The following PCDHGA7 variants were observed in gnomAD, a reference collection of about 807,000 sequenced individuals.
The protein encoded by PCDHGA7 is protocadherin gamma subfamily A, 7, also known as protocadherin gamma-A7.
PCDHGA7 carries 44 observed loss-of-function variants against 58.3 expected under a neutral mutation model. That is an observed-to-expected ratio of 0.75 (90% confidence interval 0.59 to 0.97). The LOEUF (loss-of-function observed/expected upper bound fraction) is 0.97. PCDHGA7 is among the 50% of genes least tolerant of loss of function. The pLI, the probability that PCDHGA7 is intolerant of heterozygous loss-of-function variation, is 0.00. For missense variants in PCDHGA7, 1,266 were observed against 1,188.7 expected, an observed-to-expected ratio of 1.06 and a Z score of -0.96; for synonymous variants, 516 against 504.2, an observed-to-expected ratio of 1.02 and a Z score of -0.31.
At position 141,493,396 on chromosome 5, in the gene PCDHGA7, G is replaced by A. The variant is rs562217310; in HGVS notation, c.2425-1411G>A. 1.3e-5 allele frequency among the ~76,000 whole-genome samples: 2 copies of A among 152,274 alleles called. No homozygotes were observed. Among genetic ancestry groups the A allele is most frequent in the East Asian group, 3.9e-4 (2 of 5,178 alleles). The stretch of plus-strand genomic sequence containing the variant: ...TTTAAAAGCTTGAGGACAGGAGAGG[G>A]GAGTTGCCTCTGCTGGGATTTTGCT... On this transcript the variant is annotated intron_variant, in intron 1 of 3. Transcript: ENST00000518325. This position sits in a 1 kb window ranked among gnomAD's most constrained non-coding sequence, Gnocchi z 4.3.
chr5:141,393,434 T>C (rs1554093883), intron 1 of PCDHGA7: 5 of 1,613,902 alleles, frequency 3.1e-6, no homozygotes, highest in South Asian at 1.1e-5. Flanking sequence ...AAGAGGCTGC[T>C]CACCACCTGG....
chr5:141,384,574 C>T lies in PCDHGA7; in HGVS notation c.1675C>T (p.Pro559Ser). Residue 559 changes from proline (P) to serine (S), a missense_variant, in exon 1 of 4, where the codon CCG becomes TCG. Pro to Ser is a moderately conservative substitution (Grantham distance 74). Transcript: ENST00000518325. ...GTTCGTGCTGGACCAGAATGACAAC[C>T]CGCCCGAGATCCTGTACCCGGCCCT... ...SLFVLDQNDN[P>S]PEILYPALPT... is the part of the protein sequence containing the mutation. The T allele has an allele frequency of 6.2e-7, 1 of 1,614,228 alleles. No homozygotes were observed. Among genetic ancestry groups the T allele is most frequent in the Non-Finnish European group, 8.5e-7 (1 of 1,180,044 alleles).
chr5:141,404,710 C>A (rs772390810), intron 1 of PCDHGA7: 1 of 1,614,014 alleles, frequency 6.2e-7, no homozygotes, highest in African/African-American at 1.3e-5. Flanking sequence ...AGCCTGGCTA[C>A]CTGGTGACCA....
chr5:141,471,747 T>A (rs2099263878), intron 1 of PCDHGA7, among the ~76,000 whole-genome samples: 1 of 152,200 alleles, frequency 6.6e-6, no homozygotes, highest in African/African-American at 2.4e-5. Context: ...ACATAACATA[T>A]TTGAGGGTGT....
At chr5:141,417,874 C>G in intron 1 of PCDHGA7, 9 of 1,555,320 alleles carry the variant, frequency 5.8e-6, no homozygotes, top group Non-Finnish European at 7.8e-6. Context: ...GAGGGAGCTG[C>G]GCGCAGAGGC....
intron 1 of PCDHGA7, among the ~76,000 whole-genome samples, chr5:141,480,704 G>A (rs545986902): frequency 8.5e-5 from 13 of 152,206 alleles, no homozygotes; most frequent in East Asian, 5.8e-4. Flanking sequence ...GCCACACCCC[G>A]ACAAATGAAA....
chr5:141,439,800 T>C (rs1393580217), intron 1 of PCDHGA7: 1 of 152,300 alleles, frequency 6.6e-6, no homozygotes, highest in Admixed American at 6.5e-5. Context: ...CAAGAAGAGT[T>C]TGAAAAGGGG....
At chr5:141,482,530 C>CAAAAAA (rs3074545) in intron 1 of PCDHGA7, among the ~76,000 whole-genome samples, 68 of 76,370 alleles carry the variant, frequency 8.9e-4, no homozygotes, top group African/African-American at 1.2e-3. Context: ...GACAGACATG[C>CAAAAAA]AAAAAAAAAA....
At chr5:141,422,725 G>C (rs1424048338) in intron 1 of PCDHGA7, 1 of 1,606,156 alleles carries the variant, frequency 6.2e-7, no homozygotes, top group African/African-American at 1.3e-5. Flanking sequence ...TGTCCAGGGG[G>C]TGCCTCTGTC....
intron 1 of PCDHGA7, chr5:141,408,464 A>C (rs764186219): frequency 6.2e-7 from 1 of 1,613,934 alleles, no homozygotes; most frequent in South Asian, 1.1e-5. Context: ...ACTTGTGAAG[A>C]ACCGAATAGA....
intron 1 of PCDHGA7, chr5:141,409,571 TA>T: frequency 6.2e-7 from 1 of 1,613,932 alleles, no homozygotes; most frequent in Non-Finnish European, 8.5e-7. Flanking sequence ...CCAGACGTCC[TA>T]CGTGGTCCAC....
Position 141,485,575 on chromosome 5 carries a change from G to C in PCDHGA7, c.2425-9232G>C, listed in dbSNP as rs1200831125. On this transcript the variant is annotated intron_variant, in intron 1 of 3. Coordinates refer to ENST00000518325, the MANE Select transcript of PCDHGA7 (RefSeq NM_018920.4). This position sits in a 1 kb window ranked among gnomAD's most constrained non-coding sequence, Gnocchi z 5.7. ...TGAATGATCACGCCCCCCGTTTTCC[G>C]CGGCAGCAGCTGGACTTGGAAATTG... 2 of 1,612,496 alleles carry C rather than the reference G, an allele frequency of 1.2e-6. No homozygotes were observed. The highest frequency in any genetic ancestry group is 2.7e-5 in the African/African-American group (2 of 74,918).
At chr5:141,410,585 G>A in intron 1 of PCDHGA7, 1 of 1,610,012 alleles carries the variant, frequency 6.2e-7, no homozygotes, top group South Asian at 1.1e-5. Flanking sequence ...TCATGGTGGG[G>A]AGGATTTGAC....
chr5:141,459,510 T>G (rs1449866159), intron 1 of PCDHGA7, among the ~76,000 whole-genome samples: 1 of 152,252 alleles, frequency 6.6e-6, no homozygotes, highest in Non-Finnish European at 1.5e-5. Context: ...TGAACAATCA[T>G]GTACAAGTAT....
At chr5:141,423,826 A>G (rs1324911075) in intron 1 of PCDHGA7, 21 of 1,275,178 alleles carry the variant, frequency 1.6e-5, no homozygotes, top group Middle Eastern at 2.2e-4. Flanking sequence ...TTTGCCTTTC[A>G]TGAGATTACG....
rs775081505 is a variant in PCDHGA7 at position 141,486,730 on chromosome 5, T to C, written c.2425-8077T>C. ...ACCCCCAGACAGGAGCTGTTCATGC[T>C]ACTCGATCCTTTGACTATGAGCAAA... On this transcript the variant is annotated intron_variant, in intron 1 of 3. Coordinates refer to ENST00000518325, the MANE Select transcript of PCDHGA7 (RefSeq NM_018920.4). This position sits in a 1 kb window ranked among gnomAD's most constrained non-coding sequence, Gnocchi z 5.0. 1 of 1,614,120 alleles carries C rather than the reference T, an allele frequency of 6.2e-7. No homozygotes were observed. Among genetic ancestry groups the C allele is most frequent in the Non-Finnish European group, 8.5e-7 (1 of 1,180,050 alleles).
chr5:141,407,497 G>GTTTTTTTTTTTTTTTTTTTTTTTTTT (rs1554102286), intron 1 of PCDHGA7, among the ~76,000 whole-genome samples: 1 of 152,086 alleles, frequency 6.6e-6, no homozygotes, highest in African/African-American at 2.4e-5. Context: ...CTTTATTTCT[G>GTTTTTTTTTTTTTTTTTTTTTTTTTT]TTTTTCTTAG....
chr5:141,413,682 C>G, intron 1 of PCDHGA7: 1 of 1,613,798 alleles, frequency 6.2e-7, no homozygotes, highest in South Asian at 1.1e-5. Context: ...TGGGCGTGAA[C>G]TCCCTGCAGA....
intron 1 of PCDHGA7, chr5:141,404,242 G>T (rs372976589): frequency 1.2e-6 from 2 of 1,613,462 alleles, no homozygotes; most frequent in Non-Finnish European, 1.7e-6. Flanking sequence ...GAGGAACTCC[G>T]CCCCTGTCCA....
Sources: allele counts gnomAD v4.1 joint callset (sites outside exome capture counted in the v4.1 genomes callset), GRCh38; gene constraint gnomAD v4.1.1; non-coding constraint Gnocchi (gnomAD v3.1); transcripts MANE v1.5; gene names NCBI Gene and HGNC (gene_info 2026-07-23, HGNC 2026-07-21).